Variants in CADPS2 observed in about 807,000 individuals in gnomAD.
CADPS2 encodes the protein calcium dependent secretion activator 2.
A neutral mutation model predicts 172.5 loss-of-function variants in CADPS2; 93 were observed. That is an observed-to-expected ratio of 0.54 (90% CI 0.46 to 0.64). The LOEUF (loss-of-function observed/expected upper bound fraction) is 0.64. CADPS2 is among the 30% of genes least tolerant of loss of function. The probability of loss-of-function intolerance (pLI) is 0.00; values close to 1 mark genes in which losing one functional copy is unlikely to be tolerated. For synonymous variants in CADPS2, 546 were observed against 555.2 expected, an observed-to-expected ratio of 0.98 and a Z score of 0.23; for missense variants, 1,420 against 1,565.9, an observed-to-expected ratio of 0.91 and a Z score of 1.57.
chr7:122,323,871 TTTTATATATA>T lies in CADPS2; in HGVS notation c.3717+1596_3717+1605del, dbSNP rs1451908668. 5.5e-3 allele frequency among the ~76,000 whole-genome samples: 640 copies of T among 117,072 alleles called. 13 individuals are homozygous for T. Among genetic ancestry groups the T allele is most frequent in the Non-Finnish European group, 8.5e-3 (504 of 59,526 alleles). The allele number at this position is 117,072 out of a possible 152,430, so 76.8% of individuals were successfully genotyped here. On this transcript the variant is annotated intron_variant, in intron 29 of 29. Coordinates refer to ENST00000449022, the MANE Select transcript of CADPS2 (RefSeq NM_017954.11). ...TATGCATATTATATACATATGTATA[TTTTATATATA>T]TATATATATATATATATATATATAT... is the stretch of plus-strand genomic sequence containing the variant.
At chr7:122,838,672 T>A (rs1809366455) in intron 1 of CADPS2, among the ~76,000 whole-genome samples, 2 of 152,132 alleles carry the variant, frequency 1.3e-5, no homozygotes, top group African/African-American at 2.4e-5. Flanking sequence ...TGAACTCCCA[T>A]TCACAATTGC....
At position 122,705,899 on chromosome 7, in the gene CADPS2, A is replaced by ATATAATATAT. The variant is rs1491497750; in HGVS notation, c.453+31055_453+31056insATATATTATA. Reference sequence around the variant, plus strand: ...AATATAATATAATAAATATAATATAATATATAATATATTATATAATATAAT... The same window carrying ATATAATATAT: ...AATATAATATAATAAATATAATATAATATAATATATTATATAATATATTATATAATATAAT... On this transcript the variant is annotated intron_variant, in intron 2 of 29. Transcript: ENST00000449022. Among the ~76,000 whole-genome samples, 5 of 2,540 alleles carry ATATAATATAT rather than the reference A, an allele frequency of 2.0e-3. 2 individuals are homozygous for ATATAATATAT. Among genetic ancestry groups the ATATAATATAT allele is most frequent in the African/African-American group, 5.4e-3 (5 of 934 alleles). 1.7% of individuals were successfully genotyped at this position (2,540 alleles called of 152,430 possible).
intron 9 of CADPS2, among the ~76,000 whole-genome samples, chr7:122,512,436 T>A (rs2060071010): frequency 6.6e-6 from 1 of 152,164 alleles, no homozygotes. Flanking sequence ...TGGACTGGAA[T>A]GACTATTACT....
chr7:122,619,816 A>G (rs1418084559), intron 5 of CADPS2, among the ~76,000 whole-genome samples: 3 of 152,186 alleles, frequency 2.0e-5, no homozygotes, highest in Non-Finnish European at 4.4e-5. Flanking sequence ...TTCAAATTAG[A>G]CATCCTTATG....
intron 1 of CADPS2, among the ~76,000 whole-genome samples, chr7:122,871,240 G>T (rs145239443): frequency 2.3e-4 from 35 of 151,380 alleles, no homozygotes; most frequent in Admixed American, 6.6e-4. Flanking sequence ...ATGTATTCCA[G>T]CATTTTCACA....
At chr7:122,732,162 G>A (rs1324021619) in intron 2 of CADPS2, among the ~76,000 whole-genome samples, 1 of 151,324 alleles carries the variant, frequency 6.6e-6, no homozygotes, top group Non-Finnish European at 1.5e-5. Flanking sequence ...TCTAATCCTG[G>A]AATAATCTAG....
chr7:122,606,123 T>A (rs1417826949), intron 6 of CADPS2, among the ~76,000 whole-genome samples: 12 of 152,240 alleles, frequency 7.9e-5, no homozygotes, highest in Admixed American at 7.9e-4. Flanking sequence ...ACATCATCAA[T>A]CAATCACTTC....
At chr7:122,619,395 C>T (rs1424825439) in intron 5 of CADPS2, among the ~76,000 whole-genome samples, 2 of 150,132 alleles carry the variant, frequency 1.3e-5, no homozygotes. Flanking sequence ...GGTGGATTGT[C>T]TGAGCTCAGG....
At chr7:122,615,138 A>T in intron 6 of CADPS2, 43 bp downstream of exon 6, 1 of 1,235,084 alleles carries the variant, frequency 8.1e-7, no homozygotes, top group Non-Finnish European at 1.1e-6. Flanking sequence ...GAGGATTAAA[A>T]AAACAAACAA....
chr7:122,362,508 C>T (rs554906675), intron 25 of CADPS2, among the ~76,000 whole-genome samples: 1 of 152,098 alleles, frequency 6.6e-6, no homozygotes, highest in Non-Finnish European at 1.5e-5. Flanking sequence ...TAAAAAAACA[C>T]ATACACTATA....
chr7:122,638,191 G>C (rs1006988271), intron 3 of CADPS2, among the ~76,000 whole-genome samples: 1 of 152,164 alleles, frequency 6.6e-6, no homozygotes, highest in Non-Finnish European at 1.5e-5. Context: ...CCCTAAGGCA[G>C]AGACTGTGGC....
Position 122,886,124 on chromosome 7 carries a change from G to A in CADPS2, c.214C>T (p.Gln72Ter). ...SVLSEGRDEPQRQLDDEQERR... is the reference protein window; with the variant it reads ...SVLSEGRDEP ...TCCTGCTCATCGTCCAGCTGCCGCT[G>A]GGGCTCGTCTCGCCCCTCGCTGAGC... Residue 72 changes from glutamine to a stop codon, truncating the protein, a stop_gained, in exon 1 of 30, where the codon CAG (glutamine) becomes TAG (stop). Transcript: ENST00000449022. LOFTEE classifies it high-confidence loss of function. 6.4e-7 allele frequency: 1 copy of A among 1,559,992 alleles called. No homozygotes were observed. Among genetic ancestry groups the A allele is most frequent in the Non-Finnish European group, 8.7e-7 (1 of 1,152,890 alleles).
At position 122,471,515 on chromosome 7, in the gene CADPS2, G is replaced by T; in HGVS notation, c.2046C>A (p.Ala682=). The change falls in exon 14 of 30, where the codon GCC becomes GCA. Residue 682 remains alanine, a synonymous_variant. Transcript: ENST00000449022. ...GQVFVLDEYC[A]RYGVRGCHRH... is the part of the protein sequence containing the mutation. ...TGTGACAGCCTCTCACACCATAACG[G>T]GCACAGTACTCATCTAACACAAAGA... is the stretch of plus-strand genomic sequence containing the variant. The T allele has an allele frequency of 6.2e-7, 1 of 1,610,384 alleles. No individual in the cohort carries two copies. Among genetic ancestry groups the T allele is most frequent in the Non-Finnish European group, 8.5e-7 (1 of 1,178,290 alleles).
At chr7:122,399,787 C>T (rs954227727) in intron 20 of CADPS2, among the ~76,000 whole-genome samples, 6 of 146,922 alleles carry the variant, frequency 4.1e-5, no homozygotes, top group African/African-American at 9.9e-5. Flanking sequence ...CCCGGGTTCA[C>T]GCCATTCTCC....
In CADPS2 at chr7:122,356,733, A is replaced by G. The variant is rs571526389; in HGVS notation, c.3504+4055T>C. Among the ~76,000 whole-genome samples, 11 of 152,310 alleles carry G rather than the reference A, an allele frequency of 7.2e-5. No homozygotes were observed. In the South Asian group the frequency reaches 2.1e-3, roughly 29 times the overall value. On this transcript the variant is annotated intron_variant, in intron 27 of 29. Transcript: ENST00000449022. Reference sequence around the variant, plus strand: ...GGATTATAATCCAATATTACTTTACATATTTGCTCGCTCAAATTACTCTAG... The same window carrying G: ...GGATTATAATCCAATATTACTTTACGTATTTGCTCGCTCAAATTACTCTAG...
chr7:122,617,224 G>C (rs1424925212), intron 5 of CADPS2, among the ~76,000 whole-genome samples: 1 of 152,086 alleles, frequency 6.6e-6, no homozygotes, highest in Admixed American at 6.5e-5. Flanking sequence ...ACTGTGCTGG[G>C]AACGTTTTAC....
intron 8 of CADPS2, among the ~76,000 whole-genome samples, chr7:122,541,798 CATATATATTTATATATTCAT>C (rs1356700213): frequency 3.4e-5 from 3 of 88,920 alleles, no homozygotes; most frequent in East Asian, 6.1e-4. Flanking sequence ...TTTATATATT[CATATATATTTATATATTCAT>C]ATGTTTATAT....
At position 122,646,358 on chromosome 7, in the gene CADPS2, T is replaced by C. The variant is rs148254402; in HGVS notation, c.786+16879A>G. ...TCAAAGAGGCATATGTAAACATCAA[T>C]GCAAAGTACAATATGACAGGCTTTT... is the stretch of plus-strand genomic sequence containing the variant. On this transcript the variant is annotated intron_variant, in intron 3 of 29. Transcript: ENST00000449022. 1.0e-3 allele frequency among the ~76,000 whole-genome samples: 155 copies of C among 152,206 alleles called. 1 individual carries two copies. Among genetic ancestry groups the C allele is most frequent in the African/African-American group, 3.2e-3 (135 of 41,558 alleles).
Position 122,886,146 on chromosome 7 carries a change from G to A in CADPS2, c.192C>T (p.Leu64=). 6.5e-7 allele frequency: 1 copy of A among 1,545,292 alleles called. No individual in the cohort carries two copies. The highest frequency in any genetic ancestry group is 8.7e-7 in the Non-Finnish European group (1 of 1,145,418). ...GCTGGGGCTCGTCTCGCCCCTCGCT[G>A]AGCACAGAGGGGCTCGGGCTCACAG... is the stretch of plus-strand genomic sequence containing the variant. ...ARSVSPSPSV[L]SEGRDEPQRQ... is the part of the protein sequence containing the mutation. The change falls in exon 1 of 30, where the codon CTC becomes CTT. Residue 64 remains leucine, a synonymous_variant. Transcript: ENST00000449022.
Sources: allele counts gnomAD v4.1 joint callset (sites outside exome capture counted in the v4.1 genomes callset), GRCh38; gene constraint gnomAD v4.1.1; transcripts MANE v1.5; gene names NCBI Gene and HGNC (gene_info 2026-07-23, HGNC 2026-07-21).